The following ATRX variants were observed in gnomAD, a reference collection of about 807,000 sequenced individuals.
ATRX encodes the protein chromatin remodeler ATRX.
Under a neutral mutation model 172.6 loss-of-function variants are expected in ATRX, and 12 were observed. That is an observed-to-expected ratio of 0.07 (90% CI 0.04 to 0.11). The LOEUF (loss-of-function observed/expected upper bound fraction) is 0.11. Among genes scored for constraint, ATRX ranks in the 10% least tolerant of loss-of-function variants. The probability of loss-of-function intolerance (pLI) is 1.00; values close to 1 mark genes in which losing one functional copy is unlikely to be tolerated. For missense variants in ATRX, 1,368 were observed against 1,767.4 expected, an observed-to-expected ratio of 0.77 and a Z score of 4.05; for synonymous variants, 674 against 594.7, an observed-to-expected ratio of 1.13 and a Z score of -1.94.
intron 22 of ATRX, among the ~76,000 whole-genome samples, chrX:77,606,196 C>T (rs782072322): frequency 9.2e-6 from 1 of 108,823 alleles, no homozygotes. Context: ...GGTAAATTTA[C>T]CCCAATTTAT....
intron 28 of ATRX, among the ~76,000 whole-genome samples, chrX:77,570,753 A>T (rs1355125463): frequency 9.0e-6 from 1 of 111,696 alleles, no homozygotes; most frequent in Non-Finnish European, 1.9e-5. Flanking sequence ...AGACCCTGTG[A>T]AGGGGATGAA....
chrX:77,544,205 G>C (rs1557052208), intron 30 of ATRX, among the ~76,000 whole-genome samples: 1 of 111,210 alleles, frequency 9.0e-6, no homozygotes, highest in Non-Finnish European at 1.9e-5. Context: ...AAATCTAGCG[G>C]ATGGGTATAT....
intron 1 of ATRX, 99 bp from the exon 2 acceptor site, chrX:77,717,342 T>G: frequency 1.5e-6 from 1 of 661,056 alleles, no homozygotes; most frequent in Non-Finnish European, 2.4e-6. Flanking sequence ...ATACTGTAAG[T>G]CGTGTAAGAG....
chrX:77,616,378 A>G, intron 22 of ATRX: 4 of 1,010,478 alleles, frequency 4.0e-6, no homozygotes, highest in Non-Finnish European at 3.9e-6. Context: ...CTCTTTACAA[A>G]TTAAGGGCAT....
At chrX:77,604,135 C>A (rs2066801298) in intron 22 of ATRX, among the ~76,000 whole-genome samples, 1 of 112,002 alleles carries the variant, frequency 8.9e-6, no homozygotes, top group Non-Finnish European at 1.9e-5. Flanking sequence ...AAAAGCAAAG[C>A]AACTAAAACA....
chrX:77,778,391 G>A (rs782467514), intron 1 of ATRX, among the ~76,000 whole-genome samples: 1 of 106,057 alleles, frequency 9.4e-6, no homozygotes, highest in South Asian at 4.4e-4. Context: ...CTCCAGGCTG[G>A]GTGACAGAGG....
intron 12 of ATRX, among the ~76,000 whole-genome samples, chrX:77,658,054 T>C (rs1403889606): frequency 9.1e-6 from 1 of 109,614 alleles, no homozygotes. Context: ...ACAAAAAAAA[T>C]TTAAAAATTA....
At chrX:77,574,206 T>C in intron 28 of ATRX, 44 bp downstream of exon 28, 1 of 846,926 alleles carries the variant, frequency 1.2e-6, no homozygotes, top group Non-Finnish European at 1.7e-6. Context: ...AATTTTAAAA[T>C]TAATTATTTT....
In ATRX at chrX:77,663,515, T is replaced by C. The variant is rs147160114; in HGVS notation, c.3987A>G (p.Glu1329=). Reference sequence around the variant, plus strand: ...GTCTGTATCTTGGCTTCTTAGATTCTTCAGAATCTGAATCTGATTCAGAAT... The same window carrying C: ...GTCTGTATCTTGGCTTCTTAGATTCCTCAGAATCTGAATCTGATTCAGAAT... ...QVNSESDSDS[E]ESKKPRYRHR... The change falls in exon 12 of 35, where the codon GAA becomes GAG. Residue 1329 remains glutamate (E), a synonymous_variant. Transcript: ENST00000373344. 3.2e-5 allele frequency: 39 copies of C among 1,209,383 alleles called. No homozygotes were observed. In the African/African-American group the frequency reaches 5.2e-4, roughly 16 times the overall value.
In ATRX at chrX:77,683,511, A is replaced by G; in HGVS notation, c.1745T>C (p.Val582Ala). Residue 582 changes from valine to alanine, a missense_variant, in exon 9 of 35, where the codon GTA becomes GCA. Around this residue, in one of 17 missense-constraint regions of ATRX, gnomAD observed 843 missense variants for 643.1 expected, o/e 1.31. Coordinates refer to ENST00000373344, the MANE Select transcript of ATRX (RefSeq NM_000489.6). Reference sequence around the variant, plus strand: ...GAGTTTAACATATAATTCTTTTGTTACTTTAGCTGTAGTTTTTGATTTAAT... The same window carrying G: ...GAGTTTAACATATAATTCTTTTGTTGCTTTAGCTGTAGTTTTTGATTTAAT... The part of the protein sequence containing the change: ...GGIKSKTTAK[V>A]TKELYVKLTP... The G allele has an allele frequency of 8.3e-7, 1 of 1,208,387 alleles. No homozygotes were observed. The highest frequency in any genetic ancestry group is 1.1e-6 in the Non-Finnish European group (1 of 892,547).
intron 27 of ATRX, among the ~76,000 whole-genome samples, chrX:77,584,046 AT>A (rs2065922467): frequency 1.8e-5 from 2 of 111,791 alleles, no homozygotes; most frequent in East Asian, 5.6e-4. Flanking sequence ...TTAAAAGAAA[AT>A]TTTTTAAGAC....
At chrX:77,655,613 T>TA (rs2069503490) in intron 13 of ATRX, among the ~76,000 whole-genome samples, 1 of 109,856 alleles carries the variant, frequency 9.1e-6, no homozygotes, top group Admixed American at 9.7e-5. Flanking sequence ...GTTCAGAAAT[T>TA]ATAGAGTGGT....
chrX:77,566,699 G>A (rs1379747383), intron 28 of ATRX, among the ~76,000 whole-genome samples: 5 of 111,398 alleles, frequency 4.5e-5, no homozygotes, highest in African/African-American at 1.6e-4. Flanking sequence ...GCTGCAGTGA[G>A]CTGAAATTGC....
intron 15 of ATRX, among the ~76,000 whole-genome samples, chrX:77,639,554 T>C (rs1031331527): frequency 1.2e-4 from 13 of 111,827 alleles, no homozygotes; most frequent in African/African-American, 3.9e-4. Flanking sequence ...AATAAGTTTG[T>C]CTTAAGAGGT....
At chrX:77,583,078 T>C (rs1412205270) in intron 27 of ATRX, among the ~76,000 whole-genome samples, 1 of 111,969 alleles carries the variant, frequency 8.9e-6, no homozygotes, top group East Asian at 2.8e-4. Context: ...TGAATACTAA[T>C]GTAAAAATCC....
chrX:77,728,775 T>TC (rs2074165684), intron 1 of ATRX, among the ~76,000 whole-genome samples: 1 of 107,048 alleles, frequency 9.3e-6, no homozygotes, highest in Non-Finnish European at 1.9e-5. Context: ...TTTTTTTTTT[T>TC]TTGAGTTGGA....
intron 2 of ATRX, among the ~76,000 whole-genome samples, chrX:77,716,118 T>A (rs2073374351): frequency 4.2e-5 from 1 of 24,019 alleles, no homozygotes; most frequent in African/African-American, 1.2e-4. Flanking sequence ...AAATTTTTTT[T>A]TTTTTTTTTT....
At chrX:77,755,369 G>A (rs1233793812) in intron 1 of ATRX, among the ~76,000 whole-genome samples, 3 of 111,913 alleles carry the variant, frequency 2.7e-5, no homozygotes, top group South Asian at 3.7e-4. Flanking sequence ...CCAGTTTTGC[G>A]GCCTTGCTAG....
In ATRX at chrX:77,589,904, C is replaced by T. The variant is rs2148090041; in HGVS notation, c.6147G>A (p.Leu2049=). Residue 2049 remains leucine, a synonymous_variant, in exon 27 of 35, where the codon TTG becomes TTA. Transcript: ENST00000373344. ...TAGCTAATTCAAGAAAATCTTCAAT[C>T]AAGTCCAGAGATATGAGGGACTGGC... The part of the protein sequence containing the change: ...VFSQSLISLD[L]IEDFLELASR... 1 of 1,210,336 alleles carries T rather than the reference C, an allele frequency of 8.3e-7. No homozygotes were observed. Among genetic ancestry groups the T allele is most frequent in the East Asian group, 3.0e-5 (1 of 33,732 alleles).
Sources: gnomAD v4.1 joint callset for allele counts (sites outside exome capture counted in the v4.1 genomes callset) on GRCh38, gnomAD v4.1.1 for gene constraint, gnomAD v4.1.1 regional missense constraint, MANE v1.5 for transcripts, NCBI Gene and HGNC (gene_info 2026-07-23, HGNC 2026-07-21) for gene names.